Variants in USH2A observed in about 807,000 individuals in gnomAD.
USH2A encodes the protein usherin.
In USH2A, 443 loss-of-function variants were observed where a neutral mutation model predicts 538.9. The observed-to-expected ratio is 0.82, with a 90% confidence interval of 0.76 to 0.89. The LOEUF (loss-of-function observed/expected upper bound fraction) is 0.89, where lower values mean the gene tolerates loss of function less well. Ranked by LOEUF, USH2A falls within the 40% of genes least tolerant of loss-of-function variation. The pLI, the probability that USH2A is intolerant of heterozygous loss-of-function variation, is 0.00. For synonymous variants in USH2A, 2,413 were observed against 2,273.5 expected (o/e 1.06, Z -1.75); for missense variants, 6,633 against 6,324.8 (o/e 1.05, Z -1.65).
intron 32 of USH2A, among the ~76,000 whole-genome samples, chr1:216,043,235 C>A (rs1205290939): frequency 1.3e-5 from 2 of 151,996 alleles, no homozygotes; most frequent in African/African-American, 4.8e-5. Context: ...TTTCTTAACC[C>A]ATCTAGGTCT....
chr1:216,404,648 G>T lies in USH2A; in HGVS notation c.651+13866C>A, dbSNP rs372740036. On this transcript the variant is annotated intron_variant, in intron 3 of 71. Coordinates refer to ENST00000307340, the MANE Select transcript of USH2A (RefSeq NM_206933.4). The stretch of plus-strand genomic sequence containing the variant: ...TTTTTTTTTTTTTTTTTAAGACAGG[G>T]TCTCACTCTGTTGCCCAGGCTGGAG... Among the ~76,000 whole-genome samples, 385 of 145,516 alleles carry T rather than the reference G, an allele frequency of 2.6e-3. 4 individuals carry two copies. The highest frequency in any genetic ancestry group is 9.4e-3 in the African/African-American group (367 of 38,864).
At chr1:215,674,036 G>A (rs1424693132) in intron 63 of USH2A, 64 bp downstream of exon 63, 29 of 1,612,824 alleles carry the variant, frequency 1.8e-5, no homozygotes, top group Non-Finnish European at 2.5e-5. Flanking sequence ...AACTGACCAA[G>A]GGCTCAGGCA....
intron 37 of USH2A, among the ~76,000 whole-genome samples, chr1:215,947,263 C>T (rs148840282): frequency 6.6e-6 from 1 of 152,220 alleles, no homozygotes; most frequent in East Asian, 1.9e-4. Context: ...AGACTGGTCT[C>T]AAACTCCTGA....
chr1:215,699,317 C>T (rs905416256), intron 61 of USH2A, among the ~76,000 whole-genome samples: 1 of 152,008 alleles, frequency 6.6e-6, no homozygotes, highest in Admixed American at 6.6e-5. Flanking sequence ...TTTTTGGTTC[C>T]ATATGAAATT....
At chr1:215,677,722 C>T (rs993811644) in intron 62 of USH2A, among the ~76,000 whole-genome samples, 2 of 152,182 alleles carry the variant, frequency 1.3e-5, no homozygotes, top group South Asian at 4.1e-4. Context: ...GCTCTCTTTC[C>T]TCCTCTTGAC....
chr1:216,101,629 T>G (rs1477278914), intron 21 of USH2A, among the ~76,000 whole-genome samples: 1 of 152,234 alleles, frequency 6.6e-6, no homozygotes, highest in Non-Finnish European at 1.5e-5. Context: ...ATGTTTGTGT[T>G]AAGCTGAAAC....
chr1:216,035,216 C>G (rs1040698867), intron 32 of USH2A, among the ~76,000 whole-genome samples: 1 of 152,116 alleles, frequency 6.6e-6, no homozygotes, highest in African/African-American at 2.4e-5. Flanking sequence ...TGTTGAAGTC[C>G]TAGCCTCTAG....
At chr1:216,152,850 G>A (rs1331378883) in intron 21 of USH2A, among the ~76,000 whole-genome samples, 1 of 152,198 alleles carries the variant, frequency 6.6e-6, no homozygotes, top group African/African-American at 2.4e-5. Flanking sequence ...CCCAAGTGTT[G>A]CCTTTTGGCC....
chr1:216,028,089 T>C (rs1021555034), intron 32 of USH2A, among the ~76,000 whole-genome samples: 1 of 152,144 alleles, frequency 6.6e-6, no homozygotes, highest in Non-Finnish European at 1.5e-5. Context: ...TTGGGTAATT[T>C]AAAGATTCAC....
chr1:216,302,057 G>A (rs2037225848), intron 9 of USH2A, among the ~76,000 whole-genome samples: 1 of 152,194 alleles, frequency 6.6e-6, no homozygotes, highest in East Asian at 1.9e-4. Flanking sequence ...TTTTTCCAAT[G>A]GAAGTGTCCC....
At chr1:216,050,198 T>C (rs1407004173) in intron 30 of USH2A, among the ~76,000 whole-genome samples, 1 of 152,150 alleles carries the variant, frequency 6.6e-6, no homozygotes, top group East Asian at 1.9e-4. Context: ...AATGGAGTAG[T>C]GGGGAAATGG....
At chr1:215,780,606 C>T (rs1661604932) in intron 54 of USH2A, among the ~76,000 whole-genome samples, 1 of 152,218 alleles carries the variant, frequency 6.6e-6, no homozygotes, top group African/African-American at 2.4e-5. Context: ...AAATCAATTA[C>T]TTAGTCAATA....
intron 34 of USH2A, among the ~76,000 whole-genome samples, chr1:215,995,761 A>C (rs2102479060): frequency 2.0e-5 from 3 of 152,350 alleles, no homozygotes; most frequent in Admixed American, 2.0e-4. Context: ...CATTTTGAAA[A>C]ATTCATAAAG....
chr1:216,414,114 T>C (rs182098745), intron 3 of USH2A, among the ~76,000 whole-genome samples: 4 of 152,242 alleles, frequency 2.6e-5, no homozygotes, highest in East Asian at 3.9e-4. Flanking sequence ...TGATTTAATA[T>C]GAAAACTAAG....
intron 32 of USH2A, among the ~76,000 whole-genome samples, chr1:216,008,267 C>T (rs1309457843): frequency 9.9e-5 from 15 of 151,950 alleles, no homozygotes; most frequent in Admixed American, 9.8e-4. Flanking sequence ...ATGGCCTGTT[C>T]CTGCCTTAAC....
At chr1:215,739,623 A>T (rs1660246732) in intron 60 of USH2A, among the ~76,000 whole-genome samples, 1 of 152,266 alleles carries the variant, frequency 6.6e-6, no homozygotes, top group Non-Finnish European at 1.5e-5. Context: ...ATGGAAATTC[A>T]CATTAACCAT....
chr1:215,665,765 T>G (rs1571941558), intron 64 of USH2A, among the ~76,000 whole-genome samples: 1 of 152,158 alleles, frequency 6.6e-6, no homozygotes. Flanking sequence ...ATAGAAATGA[T>G]TATTGTCTTT....
At chr1:215,790,928 C>G (rs943702964) in intron 50 of USH2A, among the ~76,000 whole-genome samples, 1 of 152,184 alleles carries the variant, frequency 6.6e-6, no homozygotes, top group African/African-American at 2.4e-5. Context: ...TTTTGAGCCT[C>G]ACTCTGTTCT....
At chr1:216,081,341 G>A (rs1362666347) in intron 26 of USH2A, among the ~76,000 whole-genome samples, 1 of 152,252 alleles carries the variant, frequency 6.6e-6, no homozygotes, top group South Asian at 2.1e-4. Flanking sequence ...TATATTTTGA[G>A]ATTCAAGGTT....
Sources: gnomAD v4.1 joint callset for allele counts (sites outside exome capture counted in the v4.1 genomes callset) on GRCh38, gnomAD v4.1.1 for gene constraint, MANE v1.5 for transcripts, NCBI Gene and HGNC (gene_info 2026-07-23, HGNC 2026-07-21) for gene names.